The following CCDC85A variants were observed in gnomAD, a reference collection of about 807,000 sequenced individuals.
The protein encoded by CCDC85A is coiled-coil domain containing 85A.
A neutral mutation model predicts 50.2 loss-of-function variants in CCDC85A; 38 were observed. The observed-to-expected ratio is 0.76, with a 90% CI of 0.58 to 0.99. CCDC85A has a LOEUF of 0.99. Ranked by LOEUF, CCDC85A falls within the 50% of genes least tolerant of loss-of-function variation. The probability of loss-of-function intolerance (pLI) is 0.00; values close to 1 mark genes in which losing one functional copy is unlikely to be tolerated. For synonymous variants in CCDC85A, 366 were observed against 301.4 expected (o/e 1.21, Z -2.22); for missense variants, 820 against 742.0 (o/e 1.11, Z -1.22).
intron 3 of CCDC85A, among the ~76,000 whole-genome samples, chr2:56,371,248 G>A (rs1676056885): frequency 6.6e-6 from 1 of 152,048 alleles, no homozygotes; most frequent in Admixed American, 6.6e-5. Flanking sequence ...AAAGAGTTTT[G>A]TGAGTACCAA....
rs1416289928 is a variant in CCDC85A at position 56,226,421 on chromosome 2, TA to T, written c.1240+32983del. ...TGAGAGGGTGGATACCTGTCCCAGA[TA>T]ACTAAGACTGAAAGCACTTACCACA... On this transcript the variant is annotated intron_variant, in intron 2 of 5. Coordinates refer to ENST00000407595, the MANE Select transcript of CCDC85A (RefSeq NM_001080433.2). Among the ~76,000 whole-genome samples, 4 of 152,154 alleles carry T rather than the reference TA, an allele frequency of 2.6e-5. No individual in the cohort carries two copies. In the East Asian group the frequency reaches 7.7e-4, roughly 29 times the overall value.
chr2:56,306,298 T>A (rs1048436821), intron 2 of CCDC85A, among the ~76,000 whole-genome samples: 8 of 152,004 alleles, frequency 5.3e-5, no homozygotes. Flanking sequence ...CCCAGCTAAT[T>A]TTTGTATTTT....
chr2:56,331,531 A>C (rs371802969), intron 2 of CCDC85A, among the ~76,000 whole-genome samples: 4 of 152,334 alleles, frequency 2.6e-5, no homozygotes, highest in African/African-American at 9.6e-5. Context: ...TTTTAAATTC[A>C]TACAAAAAAA....
chr2:56,265,363 T>G (rs891309444), intron 2 of CCDC85A, among the ~76,000 whole-genome samples: 1 of 152,130 alleles, frequency 6.6e-6, no homozygotes, highest in Non-Finnish European at 1.5e-5. Context: ...GTTTAAAATA[T>G]ATAAGGAACT....
At chr2:56,312,998 T>C (rs1393793455) in intron 2 of CCDC85A, among the ~76,000 whole-genome samples, 3 of 152,202 alleles carry the variant, frequency 2.0e-5, no homozygotes, top group African/African-American at 7.2e-5. Context: ...CATTGTCTTA[T>C]TTAATTCTCA....
At chr2:56,364,197 C>T (rs895937842) in intron 3 of CCDC85A, among the ~76,000 whole-genome samples, 3 of 152,084 alleles carry the variant, frequency 2.0e-5, no homozygotes, top group Admixed American at 1.3e-4. Flanking sequence ...GTCACTCTGG[C>T]TACAGAGACA....
intron 2 of CCDC85A, among the ~76,000 whole-genome samples, chr2:56,300,910 A>G (rs941466945): frequency 4.6e-5 from 7 of 152,194 alleles, no homozygotes; most frequent in Non-Finnish European, 2.9e-5. Context: ...ACATTTAATC[A>G]TATTTATTTT....
At chr2:56,378,113 A>G (rs1161430598) in intron 5 of CCDC85A, among the ~76,000 whole-genome samples, 8 of 152,174 alleles carry the variant, frequency 5.3e-5, no homozygotes, top group African/African-American at 1.7e-4. Flanking sequence ...ACATCTTAAA[A>G]AGATTTCATT....
Position 56,184,211 on chromosome 2 carries a change from G to A in CCDC85A, c.-414G>A. 3.0e-6 allele frequency: 3 copies of A among 987,962 alleles called. No homozygotes were observed. The highest frequency in any genetic ancestry group is 2.4e-6 in the Non-Finnish European group (2 of 829,880). The allele number at this position is 987,962 out of a possible 1,614,324, so 61.2% of individuals were successfully genotyped here. ...GCAAGGGGGAGGAAAGTGCGTGTGC[G>A]TGCACGCCTGTGTGCAGGGCAGAGA... On this transcript the variant is annotated 5_prime_UTR_variant, in exon 1 of 6. In the 5' UTR this introduces an upstream ATG that the reference lacks. Transcript: ENST00000407595.
intron 2 of CCDC85A, among the ~76,000 whole-genome samples, chr2:56,215,985 T>G (rs931277040): frequency 3.9e-5 from 6 of 151,964 alleles, no homozygotes; most frequent in African/African-American, 1.4e-4. Flanking sequence ...GTGCATTGAT[T>G]TATTTATTCA....
At chr2:56,351,260 C>T (rs1399045926) in intron 3 of CCDC85A, among the ~76,000 whole-genome samples, 1 of 152,028 alleles carries the variant, frequency 6.6e-6, no homozygotes, top group African/African-American at 2.4e-5. Flanking sequence ...TATTGTTGGA[C>T]ATTTGGGTTA....
At chr2:56,314,524 A>G (rs185584305) in intron 2 of CCDC85A, among the ~76,000 whole-genome samples, 2 of 152,230 alleles carry the variant, frequency 1.3e-5, no homozygotes, top group African/African-American at 2.4e-5. Flanking sequence ...TTCCCCCATC[A>G]TTGCCAAGAT....
intron 2 of CCDC85A, among the ~76,000 whole-genome samples, chr2:56,297,168 C>T (rs545808559): frequency 2.6e-5 from 4 of 152,206 alleles, no homozygotes; most frequent in African/African-American, 9.6e-5. Context: ...AAGTGCATTA[C>T]AAATGCTTCC....
At chr2:56,262,104 G>T (rs1288262578) in intron 2 of CCDC85A, among the ~76,000 whole-genome samples, 2 of 152,142 alleles carry the variant, frequency 1.3e-5, no homozygotes, top group African/African-American at 4.8e-5. Context: ...CCAATTTCAG[G>T]TGGTGAGATT....
At chr2:56,245,778 G>A (rs998363007) in intron 2 of CCDC85A, among the ~76,000 whole-genome samples, 1 of 152,110 alleles carries the variant, frequency 6.6e-6, no homozygotes, top group African/African-American at 2.4e-5. Context: ...GGCTATTAAG[G>A]CCCTTATAAA....
chr2:56,351,051 GTC>G (rs1345174525), intron 3 of CCDC85A, among the ~76,000 whole-genome samples: 1 of 107,248 alleles, frequency 9.3e-6, no homozygotes, highest in Non-Finnish European at 1.7e-5. Flanking sequence ...CCCTTCCTGT[GTC>G]CATGTGTTCT....
Position 56,184,817 on chromosome 2 carries a change from A to T in CCDC85A, c.193A>T (p.Ser65Cys). 1 of 1,545,622 alleles carries T rather than the reference A, an allele frequency of 6.5e-7. No homozygotes were observed. The highest frequency in any genetic ancestry group is 2.5e-5 in the East Asian group (1 of 40,634). Reference sequence around the variant, plus strand: ...GCGGCGCGCCGAGGCGGAGAAGGTGAGCGCGATGCTGGACCACAGCAACCT... The same window carrying T: ...GCGGCGCGCCGAGGCGGAGAAGGTGTGCGCGATGCTGGACCACAGCAACCT... ...SLRRAEAEKV[S>C]AMLDHSNLIR... is the part of the protein sequence containing the mutation. The change falls in exon 1 of 6, where the codon AGC becomes TGC. Residue 65 changes from serine (S) to cysteine (C), a missense_variant. By Grantham distance (112) the Ser-to-Cys change is moderately radical. Coordinates refer to ENST00000407595, the MANE Select transcript of CCDC85A (RefSeq NM_001080433.2).
At chr2:56,379,658 AG>A in intron 5 of CCDC85A, 1 of 217,620 alleles carries the variant, frequency 4.6e-6, no homozygotes, top group Non-Finnish European at 7.8e-6. Flanking sequence ...AGAAAACTAA[AG>A]GTTTTACAAA....
intron 2 of CCDC85A, among the ~76,000 whole-genome samples, chr2:56,309,558 T>A (rs1165199227): frequency 6.6e-6 from 1 of 152,218 alleles, no homozygotes; most frequent in Non-Finnish European, 1.5e-5. Context: ...GTAAAAGTGA[T>A]TTTACAAATA....
Sources: gnomAD v4.1 joint callset for allele counts (sites outside exome capture counted in the v4.1 genomes callset) on GRCh38, gnomAD v4.1.1 for gene constraint, MANE v1.5 for transcripts, NCBI Gene and HGNC (gene_info 2026-07-23, HGNC 2026-07-21) for gene names.